RAB5IF: variants seen among roughly 807,000 people sequenced by gnomAD.
RAB5IF encodes the protein GEL complex subunit OPTI.
Under a neutral mutation model 20.3 loss-of-function variants are expected in RAB5IF, and 15 were observed. That is an observed-to-expected ratio of 0.74 (90% confidence interval 0.50 to 1.14). The LOEUF (loss-of-function observed/expected upper bound fraction) is 1.14, where lower values mean the gene tolerates loss of function less well. Ranked by LOEUF, RAB5IF falls within the 50% of genes most tolerant of loss-of-function variation. RAB5IF has a pLI of 0.00. For missense variants in RAB5IF, 148 were observed against 159.5 expected (o/e 0.93, Z 0.39); for synonymous variants, 67 against 63.7 (o/e 1.05, Z -0.25).
intron 1 of RAB5IF, among the ~76,000 whole-genome samples, chr20:36,606,435 G>C (rs1007952170): frequency 6.6e-6 from 1 of 152,246 alleles, no homozygotes; most frequent in Non-Finnish European, 1.5e-5. Context: ...GAATTAAGTA[G>C]CACAAACATT....
chr20:36,608,922 T>C (rs555394), intron 2 of RAB5IF, among the ~76,000 whole-genome samples: 141,144 of 151,578 alleles, frequency 0.93, 65,935 homozygotes, highest in African/African-American at 0.98. Context: ...CAGTCATCTT[T>C]ACGTTTGCAT....
rs1340566460 is a variant in RAB5IF at position 36,605,978 on chromosome 20, G to C, written c.27G>C (p.Glu9Asp). The C allele has an allele frequency of 6.6e-7, 1 of 1,517,086 alleles. No individual in the cohort carries two copies. Among genetic ancestry groups the C allele is most frequent in the Non-Finnish European group, 8.9e-7 (1 of 1,129,508 alleles). 94.0% of individuals were successfully genotyped at this position (1,517,086 alleles called of 1,614,324 possible). ...TGAGCGGCGGGCGGCGGAAGGAGGA[G>C]CCGCCTCAGCCGCAGCTGGCCAACG... MSGGRRKE[E>D]PPQPQLANGA... Residue 9 changes from glutamate (E) to aspartate (D), a missense_variant, in exon 1 of 4, where the codon GAG (glutamate) becomes GAC (aspartate). Coordinates refer to ENST00000344795, the MANE Select transcript of RAB5IF (RefSeq NM_018840.5).
intron 1 of RAB5IF, among the ~76,000 whole-genome samples, chr20:36,607,005 C>T (rs1462360873): frequency 3.3e-5 from 5 of 152,162 alleles, no homozygotes; most frequent in African/African-American, 4.8e-5. Flanking sequence ...TGTGTCATTT[C>T]TTTCTTTTCT....
At chr20:36,607,386 A>G (rs1813493859) in intron 1 of RAB5IF, among the ~76,000 whole-genome samples, 2 of 150,108 alleles carry the variant, frequency 1.3e-5, no homozygotes, top group Non-Finnish European at 3.0e-5. Flanking sequence ...CCGCCACAAC[A>G]CCCGGCTAAT....
rs759852048 is a variant in RAB5IF at position 36,607,718 on chromosome 20, G to A, written c.118G>A (p.Glu40Lys). ...GCATTTTCTGTCTTTTCTACAGGAT[G>A]AATTTTTAGATGTGATCTACTGGTT... Reference protein sequence around the residue: ...RSDAAWEDKDEFLDVIYWFRQ... With the variant: ...RSDAAWEDKDKFLDVIYWFRQ... Residue 40 changes from glutamate (E) to lysine (K), a missense_variant, in exon 2 of 4, where the codon GAA (glutamate) becomes AAA (lysine). Coordinates refer to ENST00000344795, the MANE Select transcript of RAB5IF (RefSeq NM_018840.5). The A allele has an allele frequency of 6.2e-7, 1 of 1,613,902 alleles. No homozygotes were observed. Among genetic ancestry groups the A allele is most frequent in the East Asian group, 2.2e-5 (1 of 44,872 alleles).
At position 36,609,679 on chromosome 20, in the gene RAB5IF, C is replaced by T. The variant is rs1461873660; in HGVS notation, c.297C>T (p.Gly99=). Residue 99 remains glycine, a synonymous_variant, in exon 3 of 4, where the codon GGC becomes GGT. Transcript: ENST00000344795. ...AGATTGATGAGGAAGAATATGGTGG[C>T]ACGTGGGAGCTCACGAAGGAAGGGT... ...YLQIDEEEYG[G]TWELTKEGFM... 1.2e-6 allele frequency: 2 copies of T among 1,614,128 alleles called. No individual in the cohort carries two copies. The highest frequency in any genetic ancestry group is 3.3e-5 in the Admixed American group (2 of 60,012).
intron 3 of RAB5IF, among the ~76,000 whole-genome samples, chr20:36,610,474 G>A (rs2147966115): frequency 6.6e-6 from 1 of 152,148 alleles, no homozygotes; most frequent in African/African-American, 2.4e-5. Flanking sequence ...GGCCGAGGCG[G>A]GCAGATCACA....
Position 36,605,907 on chromosome 20 carries a change from T to C in RAB5IF, c.-45T>C, listed in dbSNP as rs2147952735. The C allele has an allele frequency of 2.4e-6, 3 of 1,272,004 alleles. No homozygotes were observed. The highest frequency in any genetic ancestry group is 3.1e-6 in the Non-Finnish European group (3 of 964,982). The allele number at this position is 1,272,004 out of a possible 1,614,324, so 78.8% of individuals were successfully genotyped here. On this transcript the variant is annotated 5_prime_UTR_variant, in exon 1 of 4. Coordinates refer to ENST00000344795, the MANE Select transcript of RAB5IF (RefSeq NM_018840.5). ...ACCCTAGACCCCGACTCCCTTTGGC[T>C]CAGCCCGCGCGCCCCAGGCCCGGCC...
chr20:36,609,758 G>A lies in RAB5IF; in HGVS notation c.348+28G>A, dbSNP rs771666864. ...ATGTGTAGCTGATAGTTTTACAACA[G>A]GTACTGTTCATTTCATGAGGTGTCA... On this transcript the variant is annotated intron_variant, in intron 3 of 3. Transcript: ENST00000344795. The A allele has an allele frequency of 3.1e-6, 5 of 1,614,116 alleles. No individual in the cohort carries two copies. In the South Asian group the frequency reaches 5.5e-5, roughly 18 times the overall value.
intron 3 of RAB5IF, among the ~76,000 whole-genome samples, chr20:36,611,030 C>T (rs1161168512): frequency 6.6e-6 from 1 of 152,182 alleles, no homozygotes; most frequent in African/African-American, 2.4e-5. Flanking sequence ...CACCATTTCA[C>T]CCAGGCTGTA....
rs1180821895 is a variant in RAB5IF at position 36,612,258 on chromosome 20, T to C, written c.*207T>C. ...AAAACCACCCACCTTTGGGGAAGCA[T>C]TTCTGAATTTATCCATCACCAACCA... On this transcript the variant is annotated 3_prime_UTR_variant, in exon 4 of 4. Transcript: ENST00000344795. The C allele has an allele frequency of 3.1e-6, 5 of 1,596,340 alleles. No individual in the cohort carries two copies. Among genetic ancestry groups the C allele is most frequent in the Non-Finnish European group, 4.3e-6 (5 of 1,163,976 alleles).
intron 2 of RAB5IF, among the ~76,000 whole-genome samples, chr20:36,609,193 ACGCACACAC>A (rs1408429971): frequency 1.6e-5 from 1 of 62,262 alleles, no homozygotes; most frequent in Admixed American, 1.7e-4. Context: ...ACACACACAC[ACGCACACAC>A]GCACACACGC....
At chr20:36,609,073 G>A (rs980613954) in intron 2 of RAB5IF, among the ~76,000 whole-genome samples, 1 of 151,258 alleles carries the variant, frequency 6.6e-6, no homozygotes, top group African/African-American at 2.4e-5. Context: ...CCTAGCTGGA[G>A]CTACCTGGAG....
intron 1 of RAB5IF, among the ~76,000 whole-genome samples, chr20:36,607,276 T>C (rs1354250664): frequency 6.7e-6 from 1 of 149,924 alleles, no homozygotes; most frequent in Non-Finnish European, 1.5e-5. Flanking sequence ...TTTTTTTTTT[T>C]TTGAGACGGA....
intron 2 of RAB5IF, among the ~76,000 whole-genome samples, chr20:36,609,235 A>ACACACACACACACACACACC (rs2039039245): frequency 7.7e-6 from 1 of 129,060 alleles, no homozygotes. Flanking sequence ...ACACACACAC[A>ACACACACACACACACACACC]CACACACACA....
chr20:36,609,156 T>TACATACATACATACACACACACACACAC lies in RAB5IF; in HGVS notation c.219-442_219-441insTACATACATACACACACACACACACACA. Reference sequence around the variant, plus strand: ...TTCAAGGGGCTTTGGAGAACTATATTACACACACACACACACACACACACA... The same window carrying TACATACATACATACACACACACACACAC: ...TTCAAGGGGCTTTGGAGAACTATATTACATACATACATACACACACACACACACACACACACACACACACACACACACA... On this transcript the variant is annotated intron_variant, in intron 2 of 3. Coordinates refer to ENST00000344795, the MANE Select transcript of RAB5IF (RefSeq NM_018840.5). 7.0e-4 allele frequency among the ~76,000 whole-genome samples: 12 copies of TACATACATACATACACACACACACACAC among 17,064 alleles called. 1 individual carries two copies. The highest frequency in any genetic ancestry group is 1.6e-3 in the East Asian group (1 of 642). The allele number at this position is 17,064 out of a possible 152,430, so 11.2% of individuals were successfully genotyped here.
chr20:36,611,931 C>CTCA, intron 3 of RAB5IF, 79 bp from the exon 4 acceptor site: 1 of 1,589,332 alleles, frequency 6.3e-7, no homozygotes. Flanking sequence ...TGTTTACATT[C>CTCA]TCATCTGGCA....
At chr20:36,611,914 T>C in intron 3 of RAB5IF, 96 bp from the exon 4 acceptor site, 1 of 1,510,890 alleles carries the variant, frequency 6.6e-7, no homozygotes. Context: ...CCCTGGAGAG[T>C]GCCCCGTGTT....
intron 1 of RAB5IF, among the ~76,000 whole-genome samples, chr20:36,606,616 A>G (rs2038940329): frequency 6.6e-6 from 1 of 152,144 alleles, no homozygotes. Context: ...AATGTAAAGG[A>G]CCGAATACTT....
Sources: allele counts gnomAD v4.1 joint callset (sites outside exome capture counted in the v4.1 genomes callset), GRCh38; gene constraint gnomAD v4.1.1; transcripts MANE v1.5; gene names NCBI Gene and HGNC (gene_info 2026-07-23, HGNC 2026-07-21).